Variants in INPP5B observed in about 807,000 individuals in gnomAD.
The protein encoded by INPP5B is type II inositol 1,4,5-trisphosphate 5-phosphatase.
In INPP5B, 90 loss-of-function variants were observed where a neutral mutation model predicts 118.5. The observed-to-expected ratio is 0.76, with a 90% CI of 0.64 to 0.90. The LOEUF (loss-of-function observed/expected upper bound fraction) is 0.90. Ranked by LOEUF, INPP5B falls within the 40% of genes least tolerant of loss-of-function variation. INPP5B has a pLI of 0.00. For missense variants in INPP5B, 984 were observed against 1,125.6 expected (o/e 0.87, Z 1.80); for synonymous variants, 385 against 418.9 (o/e 0.92, Z 0.99).
chr1:37,932,159 A>G (rs568995978), intron 6 of INPP5B, 106 bp from the exon 7 acceptor site: 3 of 1,231,014 alleles, frequency 2.4e-6, no homozygotes, highest in East Asian at 2.7e-5. Context: ...CCGCGCACAG[A>G]AGGGTTCTGT....
intron 7 of INPP5B, among the ~76,000 whole-genome samples, chr1:37,921,405 T>A (rs969689492): frequency 6.6e-6 from 1 of 152,234 alleles, no homozygotes; most frequent in African/African-American, 2.4e-5. Context: ...AAATCCATTT[T>A]TTCCAGTTCA....
rs1213544885 is a variant in INPP5B at position 37,864,354 on chromosome 1, G to C, written c.2584C>G (p.Leu862Val). ...HYLMAFLREL[L>V]KNSAKNHLDE... ...AAATGATTTTTTGCTGAATTTTTCA[G>C]CAGTTCTCGCAAAAACGCCATCAAG... Residue 862 changes from leucine to valine, a missense_variant, in exon 23 of 24, where the codon CTG becomes GTG. Leu to Val is a conservative substitution (Grantham distance 32). Around this residue, in one of 2 missense-constraint regions of INPP5B, gnomAD observed 634 missense variants for 791.0 expected, o/e 0.80. Coordinates refer to ENST00000373024, the MANE Select transcript of INPP5B (RefSeq NM_005540.3). 6.2e-7 allele frequency: 1 copy of C among 1,612,792 alleles called. No homozygotes were observed. Among genetic ancestry groups the C allele is most frequent in the Admixed American group, 1.7e-5 (1 of 59,978 alleles).
In INPP5B at chr1:37,937,039, G is replaced by A. The variant is rs529936202; in HGVS notation, c.391+3649C>T. Among the ~76,000 whole-genome samples, 21 of 152,162 alleles carry A rather than the reference G, an allele frequency of 1.4e-4. No homozygotes were observed. The East Asian group carries it at 3.5e-3, about 25-fold the overall frequency. Reference sequence around the variant, plus strand: ...AAGAGTATATGAGGCCAGGCCGGGCGCGGTGGCTCACACCTGTATTCCCAG... The same window carrying A: ...AAGAGTATATGAGGCCAGGCCGGGCACGGTGGCTCACACCTGTATTCCCAG... On this transcript the variant is annotated intron_variant, in intron 6 of 23. Transcript: ENST00000373024.
intron 1 of INPP5B, among the ~76,000 whole-genome samples, 198 bp downstream of exon 1, chr1:37,946,792 C>CTT (rs1646125306): frequency 6.6e-6 from 1 of 152,094 alleles, no homozygotes; most frequent in Non-Finnish European, 1.5e-5. Context: ...AGGAGGGTCC[C>CTT]ATTCCTCTTT....
intron 7 of INPP5B, among the ~76,000 whole-genome samples, chr1:37,895,835 A>T (rs1307437044): frequency 6.6e-6 from 1 of 152,026 alleles, no homozygotes; most frequent in Non-Finnish European, 1.5e-5. Context: ...CCCAGGCTGG[A>T]GTGCAGTGGC....
In INPP5B at chr1:37,907,356, G is replaced by C. The variant is rs564914442; in HGVS notation, c.533-15902C>G. 6.6e-6 allele frequency among the ~76,000 whole-genome samples: 1 copy of C among 152,150 alleles called. No individual in the cohort carries two copies. The highest frequency in any genetic ancestry group is 2.4e-5 in the African/African-American group (1 of 41,422). ...GAGCTCCTCTCTACCCTGAATACAA[G>C]AGACCCTCATAGTTAGGCAGGAATA... On this transcript the variant is annotated intron_variant, in intron 7 of 23. Transcript: ENST00000373024. The surrounding 1 kb of genome is among the most constrained non-coding windows in gnomAD (Gnocchi z 4.3).
At position 37,889,559 on chromosome 1, in the gene INPP5B, G is replaced by C; in HGVS notation, c.795C>G (p.Phe265Leu). 6.2e-7 allele frequency: 1 copy of C among 1,609,216 alleles called. No individual in the cohort carries two copies. Among genetic ancestry groups the C allele is most frequent in the Non-Finnish European group, 8.5e-7 (1 of 1,177,802 alleles). The change falls in exon 9 of 24, where the codon TTC becomes TTG. Residue 265 changes from phenylalanine (F) to leucine (L), a missense_variant and splice_region_variant. Transcript: ENST00000373024. ...KEEDYTYIQN[F>L]RFFAGTYNVN... The stretch of plus-strand genomic sequence containing the variant: ...CATCCTAGAACCCAGTTAGCTACCT[G>C]AAGTTCTGGATATAGGTGTAATCCT...
chr1:37,873,088 T>A lies in INPP5B; in HGVS notation c.2029A>T (p.Ile677Phe), dbSNP rs200372916. Residue 677 changes from isoleucine to phenylalanine, a missense_variant, in exon 19 of 24, where the codon ATT (isoleucine) becomes TTT (phenylalanine). Ile to Phe is a conservative substitution (Grantham distance 21, BLOSUM62 0). This residue lies in a region of INPP5B where 634 missense variants were observed against 791.0 expected (regional missense o/e 0.80). Coordinates refer to ENST00000373024, the MANE Select transcript of INPP5B (RefSeq NM_005540.3). Reference protein sequence around the residue: ...ATKLNSGEDKIEDILVLHLDR... With the variant: ...ATKLNSGEDKFEDILVLHLDR... ...AAGTGCAGAACCAGAATGTCCTCAA[T>A]TTTGTCTTCACCCGAGTTGAGCTTT... The A allele has an allele frequency of 2.5e-5, 41 of 1,614,140 alleles. No homozygotes were observed. In the African/African-American group the frequency reaches 4.3e-4, roughly 17 times the overall value.
At position 37,886,908 on chromosome 1, in the gene INPP5B, T is replaced by G; in HGVS notation, c.1111A>C (p.Thr371Pro). 1 of 1,614,096 alleles carries G rather than the reference T, an allele frequency of 6.2e-7. No individual in the cohort carries two copies. Among genetic ancestry groups the G allele is most frequent in the Non-Finnish European group, 8.5e-7 (1 of 1,179,992 alleles). Residue 371 changes from threonine (T) to proline (P), a missense_variant, in exon 12 of 24, where the codon ACA (threonine) becomes CCA (proline). By Grantham distance (38) the Thr-to-Pro change is conservative. Around this residue, in one of 2 missense-constraint regions of INPP5B, gnomAD observed 634 missense variants for 791.0 expected, o/e 0.80. Transcript: ENST00000373024. ...ISEVEAETVG[T>P]GIMGRMGNKG... ...CTCACCATCCTCCCCATGATTCCTG[T>G]CCCCACAGTCTCGGCTTCCACTTCT...
chr1:37,932,405 G>T (rs1645523714), intron 6 of INPP5B, among the ~76,000 whole-genome samples: 1 of 118,062 alleles, frequency 8.5e-6, no homozygotes, highest in South Asian at 2.6e-4. Context: ...GTCTCGCTCT[G>T]TCGCCTAAGC....
At chr1:37,894,508 A>G (rs1265345216) in intron 7 of INPP5B, among the ~76,000 whole-genome samples, 6 of 151,914 alleles carry the variant, frequency 3.9e-5, no homozygotes, top group African/African-American at 1.5e-4. Flanking sequence ...ACACAATTCA[A>G]TATTAAATGC....
At chr1:37,921,888 C>T (rs944422983) in intron 7 of INPP5B, among the ~76,000 whole-genome samples, 1 of 151,948 alleles carries the variant, frequency 6.6e-6, no homozygotes, top group Non-Finnish European at 1.5e-5. Flanking sequence ...GCACCTGTAA[C>T]GGGCTTGCTG....
chr1:37,865,940 A>G, intron 21 of INPP5B, 52 bp from the exon 22 acceptor site: 2 of 1,601,286 alleles, frequency 1.2e-6, no homozygotes, highest in Non-Finnish European at 1.7e-6. Context: ...ATGGTTAGGA[A>G]AAGGCCCAGG....
At position 37,907,862 on chromosome 1, in the gene INPP5B, G is replaced by A. The variant is rs578108263; in HGVS notation, c.533-16408C>T. 3.3e-5 allele frequency among the ~76,000 whole-genome samples: 5 copies of A among 152,260 alleles called. No individual in the cohort carries two copies. In the East Asian group the frequency reaches 9.6e-4, roughly 29 times the overall value. ...TAAGCCATCATATCCCCTGTGACCTGCATGTATACATCCAGATGGCCTGAA... is the reference window on the plus strand; with the variant it reads ...TAAGCCATCATATCCCCTGTGACCTACATGTATACATCCAGATGGCCTGAA... On this transcript the variant is annotated intron_variant, in intron 7 of 23. Transcript: ENST00000373024. The surrounding 1 kb of genome is among the most constrained non-coding windows in gnomAD (Gnocchi z 4.3).
At position 37,897,391 on chromosome 1, in the gene INPP5B, A is replaced by C. The variant is rs1203358526; in HGVS notation, c.533-5937T>G. On this transcript the variant is annotated intron_variant, in intron 7 of 23. Transcript: ENST00000373024. The stretch of plus-strand genomic sequence containing the variant: ...ACTTTTCATTTTGTTCTGTACTAAG[A>C]AAAATTCTTCTGCCTTGGGATCCTG... 4.0e-5 allele frequency among the ~76,000 whole-genome samples: 6 copies of C among 151,370 alleles called. No homozygotes were observed. In the East Asian group the frequency reaches 1.2e-3, roughly 29 times the overall value.
chr1:37,880,731 C>A (rs1182117820), intron 14 of INPP5B, among the ~76,000 whole-genome samples: 1 of 150,762 alleles, frequency 6.6e-6, no homozygotes, highest in Non-Finnish European at 1.5e-5. Flanking sequence ...CAGCGCCTAG[C>A]CTAATGTTTT....
intron 7 of INPP5B, among the ~76,000 whole-genome samples, chr1:37,917,988 T>G (rs1419555292): frequency 6.6e-6 from 1 of 152,082 alleles, no homozygotes; most frequent in Non-Finnish European, 1.5e-5. Context: ...CAGGTAAAAC[T>G]GTAGTCTGAT....
Position 37,945,779 on chromosome 1 carries a change from CAGGCGGTAGCGCACG to C in INPP5B, c.114_128del (p.Val39_Leu43del). 6.2e-7 allele frequency: 1 copy of C among 1,614,000 alleles called. No individual in the cohort carries two copies. The highest frequency in any genetic ancestry group is 1.1e-5 in the South Asian group (1 of 91,068). On this transcript the variant is annotated inframe_deletion, in exon 3 of 24. Transcript: ENST00000373024. ...ACGCGTGTTCCTGGCCGCCGTGCTC[CAGGCGGTAGCGCACG>C]AGTCCCAGGAGGCGGCTCTGCCGGC...
At chr1:37,881,192 C>T (rs185493554) in intron 14 of INPP5B, among the ~76,000 whole-genome samples, 17 of 152,322 alleles carry the variant, frequency 1.1e-4, no homozygotes, top group Admixed American at 5.9e-4. Context: ...AAAGATAGAA[C>T]TGCGTTGTCA....
Sources: allele counts gnomAD v4.1 joint callset (sites outside exome capture counted in the v4.1 genomes callset), GRCh38; gene constraint gnomAD v4.1.1; regional missense constraint gnomAD v4.1.1; non-coding constraint Gnocchi (gnomAD v3.1); transcripts MANE v1.5; gene names NCBI Gene and HGNC (gene_info 2026-07-23, HGNC 2026-07-21).